CYFIP2: variants seen among roughly 807,000 people sequenced by gnomAD.
CYFIP2 encodes the protein cytoplasmic FMR1 interacting protein 2.
Under a neutral mutation model 158.7 loss-of-function variants are expected in CYFIP2, and 29 were observed. That is an observed-to-expected ratio of 0.18 (90% CI 0.14 to 0.25). The LOEUF (loss-of-function observed/expected upper bound fraction) is 0.25, where lower values mean the gene tolerates loss of function less well. CYFIP2 is among the 10% of genes least tolerant of loss of function. The pLI, the probability that CYFIP2 is intolerant of heterozygous loss-of-function variation, is 1.00. For synonymous variants in CYFIP2, 585 were observed against 617.6 expected (o/e 0.95, Z 0.78); for missense variants, 852 against 1,639.5 (o/e 0.52, Z 8.29).
At chr5:157,296,054 A>T (rs1204113537) in intron 4 of CYFIP2, among the ~76,000 whole-genome samples, 1 of 152,230 alleles carries the variant, frequency 6.6e-6, no homozygotes, top group Non-Finnish European at 1.5e-5. Flanking sequence ...AGACTGAAGG[A>T]GGGAGAGCTT....
intron 23 of CYFIP2, among the ~76,000 whole-genome samples, chr5:157,348,829 C>T (rs372068711): frequency 6.6e-6 from 1 of 152,122 alleles, no homozygotes; most frequent in African/African-American, 2.4e-5. Context: ...ATGCATACAG[C>T]ATGCCTCTTC....
At position 157,389,323 on chromosome 5, in the gene CYFIP2, C is replaced by G. The variant is rs1198080312; in HGVS notation, c.3342C>G (p.Thr1114=). The part of the protein sequence containing the change: ...QDPIWRGPPP[T]NGVMHVDECV... ...CCATCTGGCGGGGCCCACCGCCCAC[C>G]AATGGCGTCATGCACGTCGATGAGT... Residue 1114 remains threonine, a synonymous_variant, in exon 29 of 31, where the codon ACC becomes ACG. Transcript: ENST00000620254. 19 of 1,614,032 alleles carry G rather than the reference C, an allele frequency of 1.2e-5. No homozygotes were observed. Among genetic ancestry groups the G allele is most frequent in the Non-Finnish European group, 1.6e-5 (19 of 1,179,880 alleles).
Position 157,287,116 on chromosome 5 carries a change from T to C in CYFIP2, c.207+8T>C, listed in dbSNP as rs1368542853. On this transcript the variant is annotated splice_region_variant and intron_variant, in intron 3 of 30. Coordinates refer to ENST00000620254, the MANE Select transcript of CYFIP2 (RefSeq NM_001037333.3). ...ACAGTCCACTCCAGCATGGTAAGTC[T>C]CTGTGACCCACGTGTGCAGACATGC... The C allele has an allele frequency of 2.5e-6, 4 of 1,612,110 alleles. No individual in the cohort carries two copies. Among genetic ancestry groups the C allele is most frequent in the South Asian group, 1.1e-5 (1 of 91,028 alleles).
At chr5:157,390,877 C>T (rs911276090) in intron 30 of CYFIP2, among the ~76,000 whole-genome samples, 3 of 152,270 alleles carry the variant, frequency 2.0e-5, no homozygotes, top group Middle Eastern at 3.4e-3. Context: ...CAGTTCACCC[C>T]GAAGGGCAGG....
At chr5:157,298,568 A>C (rs1581002677) in intron 5 of CYFIP2, among the ~76,000 whole-genome samples, 1 of 150,236 alleles carries the variant, frequency 6.7e-6, no homozygotes. Context: ...CTGGTCTCGA[A>C]CTCCTGGCCT....
chr5:157,309,604 G>A, intron 9 of CYFIP2, 139 bp from the exon 10 acceptor site: 1 of 712,102 alleles, frequency 1.4e-6, no homozygotes, highest in Non-Finnish European at 2.4e-6. Flanking sequence ...GAGTCACATG[G>A]TAGCGTCATC....
chr5:157,347,464 G>A (rs371068067), intron 23 of CYFIP2, among the ~76,000 whole-genome samples: 12 of 152,204 alleles, frequency 7.9e-5, no homozygotes, highest in African/African-American at 1.7e-4. Context: ...CTTCCCAGGC[G>A]CCTGTCTTAA....
chr5:157,344,054 G>C (rs996325131), intron 23 of CYFIP2, among the ~76,000 whole-genome samples: 3 of 151,970 alleles, frequency 2.0e-5, no homozygotes, highest in African/African-American at 7.3e-5. Context: ...TTAGCCTCCT[G>C]GTTCTGTTGC....
intron 26 of CYFIP2, among the ~76,000 whole-genome samples, chr5:157,369,881 T>TTTG (rs200775828): frequency 0.26 from 34,187 of 129,028 alleles, 4,866 homozygotes; most frequent in Non-Finnish European, 0.33. Flanking sequence ...TGGACCTAGT[T>TTTG]TTTTTTTTTT....
intron 26 of CYFIP2, among the ~76,000 whole-genome samples, chr5:157,368,843 G>T (rs953898927): frequency 2.6e-5 from 4 of 151,850 alleles, no homozygotes; most frequent in Non-Finnish European, 5.9e-5. Flanking sequence ...AGCACAGAGG[G>T]TTACCCTCCA....
At chr5:157,292,743 G>C (rs1757928636) in intron 3 of CYFIP2, among the ~76,000 whole-genome samples, 1 of 152,130 alleles carries the variant, frequency 6.6e-6, no homozygotes, top group African/African-American at 2.4e-5. Flanking sequence ...TATGTTTTCA[G>C]TTCTCTTGGG....
intron 13 of CYFIP2, among the ~76,000 whole-genome samples, chr5:157,317,836 A>G (rs1288776139): frequency 6.6e-6 from 1 of 152,148 alleles, no homozygotes; most frequent in African/African-American, 2.4e-5. Context: ...CACAGTCATC[A>G]TTTGATGAGT....
In CYFIP2 at chr5:157,304,346, G is replaced by T; in HGVS notation, c.775G>T (p.Glu259Ter). ...GAACAAGATGTACCTGACTCCCAGT[G>T]AGAAACATATGCTCCTCAAGGTAAA... ...YENKMYLTPS[E>*]KHMLLKVMGF... The change falls in exon 8 of 31, where the codon GAG becomes TAG. Residue 259 changes from glutamate to a stop codon, truncating the protein, a stop_gained. Transcript: ENST00000620254. LOFTEE classifies it high-confidence loss of function. 6.2e-7 allele frequency: 1 copy of T among 1,613,826 alleles called. No homozygotes were observed. The highest frequency in any genetic ancestry group is 1.1e-5 in the South Asian group (1 of 91,074).
intron 3 of CYFIP2, among the ~76,000 whole-genome samples, chr5:157,287,737 T>C (rs1266661086): frequency 3.9e-5 from 6 of 152,198 alleles, no homozygotes; most frequent in Non-Finnish European, 7.3e-5. Context: ...TTTGACACTA[T>C]ATGTCTTAGC....
chr5:157,293,392 T>C (rs1757991856), intron 3 of CYFIP2, among the ~76,000 whole-genome samples: 1 of 152,180 alleles, frequency 6.6e-6, no homozygotes, highest in African/African-American at 2.4e-5. Flanking sequence ...TTTAGGTCTC[T>C]TTCCACAGCA....
intron 19 of CYFIP2, among the ~76,000 whole-genome samples, chr5:157,328,919 C>A (rs925422782): frequency 1.3e-5 from 2 of 152,150 alleles, no homozygotes; most frequent in Non-Finnish European, 2.9e-5. Context: ...TTTCAAGGAC[C>A]TGTAACAGCA....
In CYFIP2 at chr5:157,311,570, G is replaced by A; in HGVS notation, c.993-94G>A. On this transcript the variant is annotated intron_variant, in intron 10 of 30. Coordinates refer to ENST00000620254, the MANE Select transcript of CYFIP2 (RefSeq NM_001037333.3). This position sits in a 1 kb window ranked among gnomAD's most constrained non-coding sequence, Gnocchi z 4.7. ...CCATTTGGTGTCACCCAGGGGAGTT[G>A]GCCACGTGGGCTGAGCACCAGGAGC... The A allele has an allele frequency of 8.9e-7, 1 of 1,117,384 alleles. No homozygotes were observed. The highest frequency in any genetic ancestry group is 1.3e-6 in the Non-Finnish European group (1 of 775,232). The allele number at this position is 1,117,384 out of a possible 1,614,324, so 69.2% of individuals were successfully genotyped here.
chr5:157,383,922 T>C (rs899513701), intron 28 of CYFIP2, among the ~76,000 whole-genome samples: 2 of 152,188 alleles, frequency 1.3e-5, no homozygotes, highest in Admixed American at 1.3e-4. Context: ...GCACAGTCAA[T>C]TGGATGAAGC....
intron 19 of CYFIP2, 34 bp downstream of exon 19, chr5:157,328,083 C>T: frequency 2.5e-6 from 4 of 1,577,738 alleles, no homozygotes; most frequent in Non-Finnish European, 3.5e-6. Flanking sequence ...GTAGCAATCT[C>T]TTAAGACTGC....
Sources: gnomAD v4.1 joint callset for allele counts (sites outside exome capture counted in the v4.1 genomes callset) on GRCh38, gnomAD v4.1.1 for gene constraint, Gnocchi (gnomAD v3.1) non-coding constraint, MANE v1.5 for transcripts, NCBI Gene and HGNC (gene_info 2026-07-23, HGNC 2026-07-21) for gene names.